DHX8: variants seen among roughly 807,000 people sequenced by gnomAD.
DHX8 encodes DEAH-box helicase 8, also known as ATP-dependent RNA helicase DHX8.
A neutral mutation model predicts 140.7 loss-of-function variants in DHX8; 67 were observed. That is an observed-to-expected ratio of 0.48 (90% CI 0.39 to 0.58). The LOEUF is 0.58. Ranked by LOEUF, DHX8 falls within the 20% of genes least tolerant of loss-of-function variation. The pLI, the probability that DHX8 is intolerant of heterozygous loss-of-function variation, is 0.00. For missense variants in DHX8, 887 were observed against 1,550.7 expected (o/e 0.57, Z 7.19); for synonymous variants, 533 against 553.2 (o/e 0.96, Z 0.51).
At chr17:43,533,240 T>A in intron 2 of DHX8, 1 of 1,613,756 alleles carries the variant, frequency 6.2e-7, no homozygotes, top group Admixed American at 1.7e-5. Flanking sequence ...TGCCAGAGGA[T>A]CTCAGGAAAT....
chr17:43,508,274 A>T, intron 15 of DHX8, 65 bp from the exon 16 acceptor site: 1 of 1,545,154 alleles, frequency 6.5e-7, no homozygotes, highest in Non-Finnish European at 8.7e-7. Context: ...TAATATCACC[A>T]TAGCCCTTGT....
chr17:43,507,228 A>G (rs1304179649), intron 13 of DHX8, 31 bp downstream of exon 13: 2 of 1,572,892 alleles, frequency 1.3e-6, no homozygotes, highest in Admixed American at 1.9e-5. Context: ...CTCGAAAAAT[A>G]CCAGAAGCAA....
chr17:43,538,144 A>C (rs2154587198), intron 3 of DHX8, among the ~76,000 whole-genome samples: 1 of 150,782 alleles, frequency 6.6e-6, no homozygotes, highest in Non-Finnish European at 1.5e-5. Context: ...CCATTTCAAA[A>C]AAAAAAAAAA....
chr17:43,507,286 C>A, intron 13 of DHX8, 89 bp downstream of exon 13: 1 of 1,421,578 alleles, frequency 7.0e-7, no homozygotes, highest in Non-Finnish European at 9.5e-7. Context: ...ATAATACTGC[C>A]TTTTTTCAGG....
rs886296612 is a variant in DHX8, at chr17:43,492,947, C to G, written c.770C>G (p.Pro257Arg). 5 of 1,614,180 alleles carry G rather than the reference C, an allele frequency of 3.1e-6. No individual in the cohort carries two copies. The highest frequency in any genetic ancestry group is 1.1e-5 in the South Asian group (1 of 91,082). Residue 257 changes from proline to arginine, a missense_variant, in exon 6 of 23, where the codon CCT becomes CGT. Physicochemically the swap from Pro to Arg is moderately radical, Grantham distance 103. Coordinates refer to ENST00000262415, the MANE Select transcript of DHX8 (RefSeq NM_004941.3). ...DRWRDKHVDR[P>R]PPEEPTIGDI... ...TGGCGGGATAAGCATGTGGACCGCCCTCCTCCAGAAGAGCCCACCATTGGT... is the reference window on the plus strand; with the variant it reads ...TGGCGGGATAAGCATGTGGACCGCCGTCCTCCAGAAGAGCCCACCATTGGT...
At position 43,524,329 on chromosome 17, in the gene DHX8, C is replaced by G; in HGVS notation, c.*482C>G. The G allele has an allele frequency of 1.0e-6, 1 of 1,003,634 alleles. No individual in the cohort carries two copies. Among genetic ancestry groups the G allele is most frequent in the Non-Finnish European group, 1.2e-6 (1 of 840,880 alleles). The allele number at this position is 1,003,634 out of a possible 1,614,324, so 62.2% of individuals were successfully genotyped here. Reference sequence around the variant, plus strand: ...TTCTTAAGGAAACAAAAATGGTTTTCTGTGACTGTTTTCTTTTAGCCGAAA... The same window carrying G: ...TTCTTAAGGAAACAAAAATGGTTTTGTGTGACTGTTTTCTTTTAGCCGAAA... On this transcript the variant is annotated 3_prime_UTR_variant, in exon 23 of 23. Coordinates refer to ENST00000262415, the MANE Select transcript of DHX8 (RefSeq NM_004941.3).
chr17:43,512,543 G>A (rs1398967515), intron 16 of DHX8, among the ~76,000 whole-genome samples: 1 of 152,178 alleles, frequency 6.6e-6, no homozygotes, highest in Non-Finnish European at 1.5e-5. Flanking sequence ...AGATGGCACT[G>A]AGGAGGGAAA....
intron 12 of DHX8, among the ~76,000 whole-genome samples, chr17:43,505,984 A>T (rs1969473387): frequency 6.6e-6 from 1 of 151,770 alleles, no homozygotes; most frequent in South Asian, 2.1e-4. Context: ...CCACTTAATG[A>T]TATATCTCAG....
At position 43,524,769 on chromosome 17, in the gene DHX8, CA is replaced by C. The variant is rs1298070552; in HGVS notation, c.*925del. The stretch of plus-strand genomic sequence containing the variant: ...CCCTGAGGTCCTGGATGGACTTTAA[CA>C]AAGGGATTTTATGGTCAAAACCTCC... On this transcript the variant is annotated 3_prime_UTR_variant, in exon 23 of 23. Coordinates refer to ENST00000262415, the MANE Select transcript of DHX8 (RefSeq NM_004941.3). The C allele has an allele frequency of 1.0e-6, 1 of 985,394 alleles. No individual in the cohort carries two copies. Among genetic ancestry groups the C allele is most frequent in the Admixed American group, 6.1e-5 (1 of 16,270 alleles). The allele number at this position is 985,394 out of a possible 1,614,324, so 61.0% of individuals were successfully genotyped here.
intron 2 of DHX8, chr17:43,536,270 C>A: frequency 1.4e-6 from 1 of 712,076 alleles, no homozygotes; most frequent in African/African-American, 1.8e-5. Context: ...CAGATTTCAA[C>A]CAAGGTTTTC....
At chr17:43,493,124 C>G in intron 6 of DHX8, 84 bp downstream of exon 6, 3 of 1,523,296 alleles carry the variant, frequency 2.0e-6, no homozygotes, top group Non-Finnish European at 1.8e-6. Flanking sequence ...TAAAAAGTTA[C>G]TTTGATTAAT....
rs896245724 is a variant in DHX8 at position 43,490,573 on chromosome 17, A to G, written c.307+110A>G. ...CAGTTGCTGAGCAAGTAAATGTTCCAGTAAGATTTTTCAAATGGGCTGGGC... is the reference window on the plus strand; with the variant it reads ...CAGTTGCTGAGCAAGTAAATGTTCCGGTAAGATTTTTCAAATGGGCTGGGC... On this transcript the variant is annotated intron_variant, in intron 3 of 22. Coordinates refer to ENST00000262415, the MANE Select transcript of DHX8 (RefSeq NM_004941.3). 4 of 948,416 alleles carry G rather than the reference A, an allele frequency of 4.2e-6. No homozygotes were observed. The African/African-American group carries it at 6.6e-5, about 16-fold the overall frequency. 58.8% of individuals were successfully genotyped at this position (948,416 alleles called of 1,614,324 possible). A position where few individuals can be genotyped will look rare whatever the true frequency, so the allele number is the denominator to read the frequency against.
downstream of DHX8, chr17:43,530,310 C>G: frequency 6.7e-7 from 1 of 1,489,190 alleles, no homozygotes; most frequent in Non-Finnish European, 9.0e-7. Flanking sequence ...GTTCTTTGCC[C>G]AGGTTGCCTG....
At chr17:43,543,023 G>A (rs1222052878) in intron 3 of DHX8, among the ~76,000 whole-genome samples, 1 of 152,092 alleles carries the variant, frequency 6.6e-6, no homozygotes, top group Admixed American at 6.5e-5. Context: ...ATGGTGCAGG[G>A]GGACAGGGCC....
intron 16 of DHX8, among the ~76,000 whole-genome samples, chr17:43,512,554 C>T (rs1355590529): frequency 6.6e-6 from 1 of 152,074 alleles, no homozygotes; most frequent in Non-Finnish European, 1.5e-5. Flanking sequence ...AGGAGGGAAA[C>T]ATGGGAGGAG....
At chr17:43,533,402 T>C in intron 2 of DHX8, 1 of 1,532,200 alleles carries the variant, frequency 6.5e-7, no homozygotes, top group Non-Finnish European at 9.0e-7. Context: ...GAAAGCATCT[T>C]TGAACCCTTC....
intron 17 of DHX8, among the ~76,000 whole-genome samples, chr17:43,514,206 A>C (rs1969997746): frequency 6.6e-6 from 1 of 151,910 alleles, no homozygotes; most frequent in Admixed American, 6.6e-5. Flanking sequence ...TTAGCCTGGT[A>C]TGGGGGCATG....
chr17:43,507,312 A>G, intron 13 of DHX8, 115 bp downstream of exon 13: 1 of 1,255,310 alleles, frequency 8.0e-7, no homozygotes, highest in Non-Finnish European at 1.1e-6. Flanking sequence ...CCTGAGGGAG[A>G]GAGGGTTCCC....
At chr17:43,517,487 G>T (rs535739211) in intron 18 of DHX8, 165 bp downstream of exon 18, 2 of 764,190 alleles carry the variant, frequency 2.6e-6, no homozygotes, top group Non-Finnish European at 4.0e-6. Flanking sequence ...CTCACGGCAG[G>T]TCTGGGGCTA....
Sources: gnomAD v4.1 joint callset for allele counts (sites outside exome capture counted in the v4.1 genomes callset) on GRCh38, gnomAD v4.1.1 for gene constraint, MANE v1.5 for transcripts, NCBI Gene and HGNC (gene_info 2026-07-23, HGNC 2026-07-21) for gene names.